Variants in EEFSEC observed in about 807,000 individuals in gnomAD.
The protein encoded by EEFSEC is eukaryotic elongation factor, selenocysteine-tRNA specific, also known as selenocysteine-specific elongation factor.
A neutral mutation model predicts 42.1 loss-of-function variants in EEFSEC; 43 were observed. The ratio of observed to expected loss-of-function variants is 1.02; its 90% CI spans 0.80 to 1.32. EEFSEC has a LOEUF of 1.32. EEFSEC is among the 40% of genes most tolerant of loss of function. The pLI, the probability that EEFSEC is intolerant of heterozygous loss-of-function variation, is 0.00. For synonymous variants in EEFSEC, 354 were observed against 339.1 expected (o/e 1.04, Z -0.48); for missense variants, 745 against 803.6 (o/e 0.93, Z 0.88).
In EEFSEC at chr3:128,182,942, C is replaced by T. The variant is rs561527609; in HGVS notation, c.316+29119C>T. Among the ~76,000 whole-genome samples the T allele has an allele frequency of 1.3e-4, 19 of 151,602 alleles. 1 individual carries two copies. In the South Asian group the frequency reaches 3.1e-3, roughly 25 times the overall value. ...TGGGCGGGTTGCCAGAGAGAAGGAG[C>T]GGGAAGAGGCCTTTCTTTTCAATTT... On this transcript the variant is annotated intron_variant, in intron 1 of 6. Transcript: ENST00000254730.
At chr3:128,211,838 T>TTTTTC (rs2065759286) in intron 1 of EEFSEC, among the ~76,000 whole-genome samples, 1 of 142,914 alleles carries the variant, frequency 7.0e-6, no homozygotes, top group Admixed American at 7.2e-5. Flanking sequence ...ACTTCTTTTC[T>TTTTTC]TTTTCTTTTC....
Position 128,331,532 on chromosome 3 carries a change from C to T in EEFSEC, c.787-9701C>T, listed in dbSNP as rs1015384434. Among the ~76,000 whole-genome samples, 10 of 151,022 alleles carry T rather than the reference C, an allele frequency of 6.6e-5. 1 individual carries two copies. The highest frequency in any genetic ancestry group is 1.5e-4 in the Non-Finnish European group (10 of 67,756). On this transcript the variant is annotated intron_variant, in intron 4 of 6. Transcript: ENST00000254730. ...CCCTCTTCCCTCTCCTTCCTCAATG[C>T]ATCCCCCTTCCTTTCTCCCCTTCTC...
chr3:128,251,453 T>C (rs1225122790), intron 2 of EEFSEC, among the ~76,000 whole-genome samples: 1 of 152,226 alleles, frequency 6.6e-6, no homozygotes, highest in East Asian at 1.9e-4. Context: ...ATTACTTTGG[T>C]TTATAATTTT....
At chr3:128,171,656 C>G (rs1004535825) in intron 1 of EEFSEC, among the ~76,000 whole-genome samples, 4 of 152,100 alleles carry the variant, frequency 2.6e-5, no homozygotes, top group Admixed American at 1.3e-4. Flanking sequence ...AAAAGGAGAT[C>G]TCCCTGCCTT....
intron 1 of EEFSEC, among the ~76,000 whole-genome samples, chr3:128,218,668 G>A (rs758302842): frequency 7.9e-5 from 12 of 152,184 alleles, no homozygotes; most frequent in African/African-American, 2.4e-4. Flanking sequence ...AGTGTGCTGC[G>A]TGTGTCAGGA....
the EEFSEC span, among the ~76,000 whole-genome samples, chr3:128,424,162 A>ACC: frequency 6.6e-6 from 1 of 152,108 alleles, no homozygotes; most frequent in Non-Finnish European, 1.5e-5. Flanking sequence ...TGCAGGAAGC[A>ACC]CCCACCAGCC....
intron 4 of EEFSEC, among the ~76,000 whole-genome samples, chr3:128,271,905 A>G (rs2066417312): frequency 1.3e-5 from 2 of 152,176 alleles, no homozygotes; most frequent in Non-Finnish European, 2.9e-5. Context: ...AAGGCAGAGC[A>G]TAGCTCTTCA....
intron 6 of EEFSEC, among the ~76,000 whole-genome samples, chr3:128,368,087 G>C (rs537993011): frequency 2.8e-4 from 43 of 152,340 alleles, no homozygotes; most frequent in African/African-American, 1.0e-3. Flanking sequence ...AGTGTGTCCT[G>C]TCTCCAGCTA....
chr3:128,324,693 G>T (rs2067045269), intron 4 of EEFSEC, among the ~76,000 whole-genome samples: 1 of 152,350 alleles, frequency 6.6e-6, no homozygotes, highest in East Asian at 1.9e-4. Flanking sequence ...GTGGGGCACA[G>T]TTGTAGGCCT....
intron 5 of EEFSEC, among the ~76,000 whole-genome samples, chr3:128,350,841 C>T (rs1000945054): frequency 6.6e-6 from 1 of 152,122 alleles, no homozygotes; most frequent in Non-Finnish European, 1.5e-5. Flanking sequence ...TACTTCAGGG[C>T]CTCTGCTCTT....
intron 4 of EEFSEC, among the ~76,000 whole-genome samples, chr3:128,289,826 T>C (rs1426279340): frequency 6.6e-6 from 1 of 152,240 alleles, no homozygotes; most frequent in African/African-American, 2.4e-5. Context: ...GCCACCAATA[T>C]GGTAGAATGG....
intron 1 of EEFSEC, among the ~76,000 whole-genome samples, chr3:128,154,448 C>CTT (rs763398966): frequency 1.4e-5 from 2 of 145,494 alleles, no homozygotes; most frequent in African/African-American, 5.0e-5. Flanking sequence ...TTTTCTTTTT[C>CTT]TTTTTTTTTT....
chr3:128,359,153 C>T (rs2067494646), intron 6 of EEFSEC, among the ~76,000 whole-genome samples: 1 of 152,008 alleles, frequency 6.6e-6, no homozygotes, highest in Non-Finnish European at 1.5e-5. Context: ...CAGGGAAGGA[C>T]AGAGGGAGGG....
At chr3:128,328,467 G>C (rs1378664623) in intron 4 of EEFSEC, among the ~76,000 whole-genome samples, 1 of 152,226 alleles carries the variant, frequency 6.6e-6, no homozygotes, top group Non-Finnish European at 1.5e-5. Flanking sequence ...GGACCAAGGA[G>C]TGGGCCGTAA....
chr3:128,411,981 C>T (rs1233906333), downstream of EEFSEC, among the ~76,000 whole-genome samples: 3 of 152,232 alleles, frequency 2.0e-5, no homozygotes, highest in Non-Finnish European at 4.4e-5. Context: ...TCTGCATGTG[C>T]TCCGTGTGTG....
intron 3 of EEFSEC, among the ~76,000 whole-genome samples, chr3:128,264,175 G>A (rs555103065): frequency 5.9e-5 from 9 of 152,304 alleles, no homozygotes; most frequent in East Asian, 1.9e-4. Flanking sequence ...AGGGAGTGGC[G>A]GAAGATGAGG....
At chr3:128,416,979 G>T in the EEFSEC span, among the ~76,000 whole-genome samples, 3 of 152,092 alleles carry the variant, frequency 2.0e-5, no homozygotes, top group African/African-American at 7.3e-5. Flanking sequence ...ATCGTGGTGG[G>T]TGCGGTCAGC....
intron 4 of EEFSEC, among the ~76,000 whole-genome samples, chr3:128,319,102 G>C (rs1332891188): frequency 7.2e-5 from 11 of 152,174 alleles, no homozygotes; most frequent in Admixed American, 7.2e-4. Context: ...TTTCACACCT[G>C]TCCCACCTGG....
intron 4 of EEFSEC, among the ~76,000 whole-genome samples, chr3:128,281,759 C>T (rs1163227285): frequency 1.3e-5 from 2 of 152,196 alleles, no homozygotes; most frequent in African/African-American, 4.8e-5. Flanking sequence ...CTGAGGCAGG[C>T]ACTCAGGGGT....
Sources: gnomAD v4.1 joint callset for allele counts (sites outside exome capture counted in the v4.1 genomes callset) on GRCh38, gnomAD v4.1.1 for gene constraint, MANE v1.5 for transcripts, NCBI Gene and HGNC (gene_info 2026-07-23, HGNC 2026-07-21) for gene names.